ZNF236: variants seen among roughly 807,000 people sequenced by gnomAD.
The protein encoded by ZNF236 is zinc finger protein 236.
ZNF236 carries 50 observed loss-of-function variants against 191.2 expected under a neutral mutation model. That is an observed-to-expected ratio of 0.26 (90% CI 0.21 to 0.33). ZNF236 has a LOEUF of 0.33. Ranked by LOEUF, ZNF236 falls within the 10% of genes least tolerant of loss-of-function variation. The pLI is 1.00. For synonymous variants in ZNF236, 907 were observed against 928.8 expected (o/e 0.98, Z 0.43); for missense variants, 1,754 against 2,374.5 (o/e 0.74, Z 5.43).
chr18:76,840,409 G>T (rs555913740), intron 1 of ZNF236, among the ~76,000 whole-genome samples: 2 of 152,058 alleles, frequency 1.3e-5, no homozygotes, highest in East Asian at 3.9e-4. Flanking sequence ...CAGGAGAATC[G>T]CTTGAACCCA....
chr18:76,937,188 A>G lies in ZNF236; in HGVS notation c.4627A>G (p.Thr1543Ala), dbSNP rs763178165. The change falls in exon 26 of 31, where the codon ACA becomes GCA. Residue 1543 changes from threonine (T) to alanine (A), a missense_variant. Transcript: ENST00000320610. ...CACTACAAGCGGAAGCCTTCCTTCA[A>G]CAACACCGATGTCTCCATCGGCCAT... Reference protein sequence around the residue: ...LNTTSGSLPSTTPMSPSAIST... With the variant: ...LNTTSGSLPSATPMSPSAIST... 5 of 1,614,122 alleles carry G rather than the reference A, an allele frequency of 3.1e-6. No individual in the cohort carries two copies. In the South Asian group the frequency reaches 3.3e-5, roughly 11 times the overall value.
intron 9 of ZNF236, among the ~76,000 whole-genome samples, chr18:76,891,488 T>C (rs1977231760): frequency 6.6e-6 from 1 of 152,192 alleles, no homozygotes; most frequent in Non-Finnish European, 1.5e-5. Flanking sequence ...TCCTACTGCT[T>C]CAGCCTCCTC....
chr18:76,867,245 A>G, intron 3 of ZNF236, among the ~76,000 whole-genome samples: 1 of 147,418 alleles, frequency 6.8e-6, no homozygotes. Context: ...TTTTTTTAAG[A>G]GCTGCATCAA....
chr18:76,863,700 T>A (rs1027622304), intron 3 of ZNF236, among the ~76,000 whole-genome samples: 2 of 152,102 alleles, frequency 1.3e-5, no homozygotes, highest in African/African-American at 4.8e-5. Context: ...GTCCTGGGAT[T>A]ACACATGTGA....
At chr18:76,965,411 G>A (rs1013462132) in intron 30 of ZNF236, among the ~76,000 whole-genome samples, 2 of 152,086 alleles carry the variant, frequency 1.3e-5, no homozygotes, top group African/African-American at 4.8e-5. Flanking sequence ...TTCTGGGTTT[G>A]GATCCATTGC....
At chr18:76,877,912 T>C in intron 6 of ZNF236, 97 bp from the exon 7 acceptor site, 1 of 999,002 alleles carries the variant, frequency 1.0e-6, no homozygotes, top group Non-Finnish European at 1.4e-6. Flanking sequence ...TTTCTGTCAT[T>C]TTGAATGGAA....
chr18:76,917,193 A>G (rs1023189242), intron 19 of ZNF236, among the ~76,000 whole-genome samples: 2 of 152,232 alleles, frequency 1.3e-5, no homozygotes. Flanking sequence ...TAAAGCCTTC[A>G]TTTCCATTTT....
chr18:76,904,245 A>T, intron 11 of ZNF236, 135 bp from the exon 12 acceptor site: 1 of 703,228 alleles, frequency 1.4e-6, no homozygotes, highest in Non-Finnish European at 2.0e-6. Flanking sequence ...TAACACAATT[A>T]AAATAACATA....
chr18:76,943,356 C>G (rs1568241359), intron 26 of ZNF236, among the ~76,000 whole-genome samples: 1 of 152,104 alleles, frequency 6.6e-6, no homozygotes, highest in African/African-American at 2.4e-5. Context: ...TGAGGAGGAG[C>G]AGGCCGGTGG....
At chr18:76,838,769 T>C (rs150733379) in intron 1 of ZNF236, among the ~76,000 whole-genome samples, 2 of 152,270 alleles carry the variant, frequency 1.3e-5, no homozygotes, top group African/African-American at 4.8e-5. Flanking sequence ...AGAACAGAAA[T>C]TGTGGTTGGC....
chr18:76,881,881 T>A, intron 9 of ZNF236, among the ~76,000 whole-genome samples: 1 of 152,218 alleles, frequency 6.6e-6, no homozygotes, highest in East Asian at 1.9e-4. Context: ...CTTCTCACCC[T>A]TGGTGCTTCT....
chr18:76,842,855 T>C (rs933597747), intron 1 of ZNF236, among the ~76,000 whole-genome samples: 5 of 152,178 alleles, frequency 3.3e-5, no homozygotes, highest in Non-Finnish European at 7.3e-5. Context: ...TCCATTTGAG[T>C]ACCCACTTAT....
chr18:76,926,273 A>T (rs1161935231), intron 22 of ZNF236, among the ~76,000 whole-genome samples: 1 of 151,790 alleles, frequency 6.6e-6, no homozygotes, highest in Non-Finnish European at 1.5e-5. Context: ...GTATGTGGAT[A>T]TAGTAAAAAG....
rs537346385 is a variant in ZNF236 at position 76,960,872 on chromosome 18, C to T, written c.5419+17C>T. 61 of 1,602,172 alleles carry T rather than the reference C, an allele frequency of 3.8e-5. 1 individual carries two copies. The highest frequency in any genetic ancestry group is 2.4e-4 in the South Asian group (22 of 90,394). The stretch of plus-strand genomic sequence containing the variant: ...GCTATGCTGGTGAGAATGCTGCACC[C>T]GGGAGTGCGTGCTGTTCGGTGGCCT... On this transcript the variant is annotated intron_variant, in intron 30 of 30. Coordinates refer to ENST00000320610, the MANE Select transcript of ZNF236 (RefSeq NM_001306089.2). The surrounding 1 kb of genome is among the most constrained non-coding windows in gnomAD (Gnocchi z 4.4).
chr18:76,878,022 C>T lies in ZNF236; in HGVS notation c.854C>T (p.Pro285Leu), dbSNP rs754700411. Residue 285 changes from proline to leucine, a missense_variant, in exon 7 of 31, where the codon CCT (proline) becomes CTT (leucine). Coordinates refer to ENST00000320610, the MANE Select transcript of ZNF236 (RefSeq NM_001306089.2). ...QRVHSEVKNG[P>L]TYNCTECSCV... ...TTATTCTTTAAGGTCAAGAATGGTC[C>T]TACCTATAACTGTACAGAATGTAGT... is the stretch of plus-strand genomic sequence containing the variant. The T allele has an allele frequency of 1.9e-6, 3 of 1,590,556 alleles. No homozygotes were observed. In the South Asian group the frequency reaches 3.5e-5, roughly 18 times the overall value.
At chr18:76,861,261 G>A (rs1471081813) in intron 3 of ZNF236, among the ~76,000 whole-genome samples, 2 of 152,204 alleles carry the variant, frequency 1.3e-5, no homozygotes, top group African/African-American at 4.8e-5. Flanking sequence ...GGGCAGCCGT[G>A]CCCTCAGGTT....
At position 76,880,658 on chromosome 18, in the gene ZNF236, G is replaced by A. The variant is rs1192928580; in HGVS notation, c.1188+342G>A. Among the ~76,000 whole-genome samples the A allele has an allele frequency of 6.6e-6, 1 of 152,178 alleles. No homozygotes were observed. Among genetic ancestry groups the A allele is most frequent in the Non-Finnish European group, 1.5e-5 (1 of 68,036 alleles). ...ATTCTTTCTTGAGGTTCTGGTTTAT[G>A]ATTTGGAGACAGTCATGGGTGTTGA... On this transcript the variant is annotated intron_variant, in intron 8 of 30. Coordinates refer to ENST00000320610, the MANE Select transcript of ZNF236 (RefSeq NM_001306089.2). The surrounding 1 kb of genome is among the most constrained non-coding windows in gnomAD (Gnocchi z 5.0).
At chr18:76,838,083 A>G (rs1439089627) in intron 1 of ZNF236, among the ~76,000 whole-genome samples, 1 of 152,246 alleles carries the variant, frequency 6.6e-6, no homozygotes, top group Non-Finnish European at 1.5e-5. Flanking sequence ...GCAGCAAACT[A>G]GGCTCAAATA....
chr18:76,862,058 T>TTTTTGTA (rs1976252316), intron 3 of ZNF236, among the ~76,000 whole-genome samples: 3 of 151,958 alleles, frequency 2.0e-5, no homozygotes, highest in African/African-American at 7.3e-5. Flanking sequence ...AGAGATGGGA[T>TTTTTGTA]TTCACTGTGT....
Sources: allele counts gnomAD v4.1 joint callset (sites outside exome capture counted in the v4.1 genomes callset), GRCh38; gene constraint gnomAD v4.1.1; non-coding constraint Gnocchi (gnomAD v3.1); transcripts MANE v1.5; gene names NCBI Gene and HGNC (gene_info 2026-07-23, HGNC 2026-07-21).